The following TAF3 variants were observed in gnomAD, a reference collection of about 807,000 sequenced individuals.
TAF3 encodes transcription initiation factor TFIID subunit 3.
TAF3 carries 7 observed loss-of-function variants against 80.6 expected under a neutral mutation model. That is an observed-to-expected ratio of 0.09 (90% CI 0.05 to 0.16). TAF3 has a LOEUF of 0.16. Ranked by LOEUF, TAF3 falls within the 10% of genes least tolerant of loss-of-function variation. The pLI, the probability that TAF3 is intolerant of heterozygous loss-of-function variation, is 1.00. For missense variants in TAF3, 921 were observed against 1,140.2 expected, an observed-to-expected ratio of 0.81 and a Z score of 2.77; for synonymous variants, 444 against 446.1, an observed-to-expected ratio of 1.00 and a Z score of 0.06.
chr10:7,950,009 C>T (rs558962954), intron 2 of TAF3, among the ~76,000 whole-genome samples: 2 of 152,280 alleles, frequency 1.3e-5, no homozygotes, highest in African/African-American at 4.8e-5. Flanking sequence ...GTCAATGATA[C>T]ATGGTGAAAT....
At chr10:7,909,117 T>C (rs1837632580) in intron 2 of TAF3, among the ~76,000 whole-genome samples, 1 of 152,174 alleles carries the variant, frequency 6.6e-6, no homozygotes, top group Non-Finnish European at 1.5e-5. Flanking sequence ...ATTGCTGGAA[T>C]GTGTTTGGTC....
chr10:7,928,855 G>T (rs1809089572), intron 2 of TAF3, among the ~76,000 whole-genome samples: 1 of 152,074 alleles, frequency 6.6e-6, no homozygotes, highest in Admixed American at 6.5e-5. Flanking sequence ...CTGACCTCTG[G>T]AGAAGTAGGC....
At chr10:7,860,555 A>G (rs1564350019) in intron 2 of TAF3, among the ~76,000 whole-genome samples, 1 of 152,194 alleles carries the variant, frequency 6.6e-6, no homozygotes, top group South Asian at 2.1e-4. Context: ...TTGGTTGTCC[A>G]GAGGTGTAGT....
chr10:7,863,676 T>TATATATACACACACACAC (rs1447576202), intron 2 of TAF3, among the ~76,000 whole-genome samples: 1 of 55,176 alleles, frequency 1.8e-5, no homozygotes, highest in Non-Finnish European at 3.7e-5. Context: ...TACACACATA[T>TATATATACACACACACAC]ATATATATAC....
At chr10:7,849,009 A>G (rs1837000045) in intron 2 of TAF3, among the ~76,000 whole-genome samples, 1 of 152,178 alleles carries the variant, frequency 6.6e-6, no homozygotes, top group South Asian at 2.1e-4. Flanking sequence ...ACAAAGGGAA[A>G]TAAAACATGG....
intron 2 of TAF3, among the ~76,000 whole-genome samples, chr10:7,929,391 A>G (rs1460437994): frequency 1.3e-5 from 2 of 152,030 alleles, no homozygotes; most frequent in African/African-American, 4.8e-5. Context: ...TGGTAGGATT[A>G]TGGATGTTTT....
At chr10:7,913,412 T>C (rs1468794753) in intron 2 of TAF3, among the ~76,000 whole-genome samples, 2 of 152,232 alleles carry the variant, frequency 1.3e-5, no homozygotes, top group South Asian at 4.1e-4. Flanking sequence ...GGCAATACTT[T>C]GCAGCCTTTT....
At chr10:7,861,128 A>AT (rs1195522526) in intron 2 of TAF3, among the ~76,000 whole-genome samples, 5 of 150,968 alleles carry the variant, frequency 3.3e-5, no homozygotes, top group African/African-American at 4.9e-5. Flanking sequence ...TGCCCGGCTA[A>AT]TTTTTTTTTG....
intron 4 of TAF3, among the ~76,000 whole-genome samples, chr10:7,989,231 C>A (rs1831809931): frequency 6.6e-6 from 1 of 151,826 alleles, no homozygotes; most frequent in Admixed American, 6.6e-5. Flanking sequence ...ATTGGCCTGG[C>A]TTATATGTGT....
Sources: gnomAD v4.1 joint callset for allele counts (sites outside exome capture counted in the v4.1 genomes callset) on GRCh38, gnomAD v4.1.1 for gene constraint, MANE v1.5 for transcripts, NCBI Gene and HGNC (gene_info 2026-07-23, HGNC 2026-07-21) for gene names.